The following TM6SF1 variants were observed in gnomAD, a reference collection of about 807,000 sequenced individuals.
The protein encoded by TM6SF1 is transmembrane 6 superfamily member 1.
Under a neutral mutation model 47.1 loss-of-function variants are expected in TM6SF1, and 43 were observed. That is an observed-to-expected ratio of 0.91 (90% CI 0.72 to 1.18). TM6SF1 has a LOEUF of 1.18. Ranked by LOEUF, TM6SF1 falls within the 50% of genes most tolerant of loss-of-function variation. The pLI, the probability that TM6SF1 is intolerant of heterozygous loss-of-function variation, is 0.00. For synonymous variants in TM6SF1, 177 were observed against 166.3 expected, an observed-to-expected ratio of 1.06 and a Z score of -0.49; for missense variants, 390 against 449.0, an observed-to-expected ratio of 0.87 and a Z score of 1.19.
In TM6SF1 at chr15:83,122,013, T is replaced by C. The variant is rs764212098; in HGVS notation, c.481+10T>C. On this transcript the variant is annotated intron_variant, in intron 5 of 9. Coordinates refer to ENST00000322019, the MANE Select transcript of TM6SF1 (RefSeq NM_023003.5). The stretch of plus-strand genomic sequence containing the variant: ...CCAGGAAACATTGTAGGTAAGAAAC[T>C]TTATCTTAAAGTTCACTTTCCTTTT... The C allele has an allele frequency of 6.3e-7, 1 of 1,599,548 alleles. No individual in the cohort carries two copies. The highest frequency in any genetic ancestry group is 1.7e-5 in the Admixed American group (1 of 58,578).
chr15:83,124,837 A>G, intron 7 of TM6SF1, 61 bp downstream of exon 7: 2 of 1,350,186 alleles, frequency 1.5e-6, no homozygotes, highest in Non-Finnish European at 2.1e-6. Context: ...CCAAATGGAA[A>G]AAAACTTAGA....
chr15:83,124,689 A>G lies in TM6SF1; in HGVS notation c.621A>G (p.Gln207=). 9 of 1,614,074 alleles carry G rather than the reference A, an allele frequency of 5.6e-6. No individual in the cohort carries two copies. Among genetic ancestry groups the G allele is most frequent in the Non-Finnish European group, 6.8e-6 (8 of 1,179,992 alleles). Residue 207 remains glutamine, a synonymous_variant, in exon 7 of 10, where the codon CAA becomes CAG. Transcript: ENST00000322019. Reference sequence around the variant, plus strand: ...TATTTTAGGTTATTCAAGAAGCCCAAGCGAAAGACCTGCTGAGAAGACCAT... The same window carrying G: ...TATTTTAGGTTATTCAAGAAGCCCAGGCGAAAGACCTGCTGAGAAGACCAT... ...NYPSKVIQEA[Q]AKDLLRRPFD... is the part of the protein sequence containing the mutation.
At position 83,121,313 on chromosome 15, in the gene TM6SF1, C is replaced by T. The variant is rs535839989; in HGVS notation, c.399-608C>T. On this transcript the variant is annotated intron_variant, in intron 4 of 9. Coordinates refer to ENST00000322019, the MANE Select transcript of TM6SF1 (RefSeq NM_023003.5). ...GCCAGGCTGGTTTCAAACTCCTGAC[C>T]TCAAGTGATCTGCCCACCTCAGCTT... Among the ~76,000 whole-genome samples the T allele has an allele frequency of 4.0e-5, 6 of 151,896 alleles. No homozygotes were observed. The East Asian group carries it at 1.2e-3, about 29-fold the overall frequency.
chr15:83,124,566 G>A, intron 6 of TM6SF1, 106 bp from the exon 7 acceptor site: 1 of 807,504 alleles, frequency 1.2e-6, no homozygotes, highest in Non-Finnish European at 2.1e-6. Flanking sequence ...TATAAATTGT[G>A]CATCTTCAAA....
chr15:83,122,081 G>C, intron 5 of TM6SF1, 78 bp downstream of exon 5: 1 of 1,140,726 alleles, frequency 8.8e-7, no homozygotes, highest in South Asian at 1.3e-5. Flanking sequence ...AGCTCTTTTA[G>C]TTATAATAGA....
rs2151336428 is a variant in TM6SF1, at chr15:83,112,836, C to A, written c.132C>A (p.Phe44Leu). 6.2e-7 allele frequency: 1 copy of A among 1,614,132 alleles called. No individual in the cohort carries two copies. The change falls in exon 2 of 10, where the codon TTC (phenylalanine) becomes TTA (leucine). Residue 44 changes from phenylalanine to leucine, a missense_variant. Physicochemically the swap from Phe to Leu is conservative, Grantham distance 22. Coordinates refer to ENST00000322019, the MANE Select transcript of TM6SF1 (RefSeq NM_023003.5). Reference sequence around the variant, plus strand: ...TAGGGGTTGCTGCCCTCATCCTGTTCCTGGTAGCACTGCTGGCTCGTGTCC... The same window carrying A: ...TAGGGGTTGCTGCCCTCATCCTGTTACTGGTAGCACTGCTGGCTCGTGTCC... ...TIVGVAALIL[F>L]LVALLARVLV...
At chr15:83,128,119 A>C (rs1461940174) in intron 9 of TM6SF1, 1 of 152,300 alleles carries the variant, frequency 6.6e-6, no homozygotes, top group African/African-American at 2.4e-5. Flanking sequence ...AATTTTTCTT[A>C]CTAGAAATAA....
At chr15:83,120,367 C>T (rs1033932039) in intron 4 of TM6SF1, among the ~76,000 whole-genome samples, 7 of 152,176 alleles carry the variant, frequency 4.6e-5, no homozygotes, top group African/African-American at 7.2e-5. Flanking sequence ...TGGTGGCACA[C>T]CCACAGCTTT....
intron 9 of TM6SF1, chr15:83,129,463 T>A (rs183873680): frequency 1.3e-5 from 2 of 152,138 alleles, no homozygotes; most frequent in African/African-American, 4.8e-5. Flanking sequence ...AATGGACACA[T>A]AATAATATCT....
At chr15:83,121,665 T>C (rs2035258182) in intron 4 of TM6SF1, among the ~76,000 whole-genome samples, 2 of 151,950 alleles carry the variant, frequency 1.3e-5, no homozygotes, top group Admixed American at 6.5e-5. Flanking sequence ...GGGATGATCA[T>C]GTTGTAGTTT....
At chr15:83,120,907 A>T (rs2035172425) in intron 4 of TM6SF1, among the ~76,000 whole-genome samples, 1 of 142,810 alleles carries the variant, frequency 7.0e-6, no homozygotes, top group African/African-American at 2.6e-5. Context: ...AATCCCAGTC[A>T]TTATGAATGG....
chr15:83,110,443 T>C (rs1402162877), intron 1 of TM6SF1, among the ~76,000 whole-genome samples: 1 of 152,044 alleles, frequency 6.6e-6, no homozygotes, highest in Non-Finnish European at 1.5e-5. Flanking sequence ...TCAGAGACAA[T>C]CTGCTGCCCT....
chr15:83,134,818 A>C (rs2036502998), intron 9 of TM6SF1: 2 of 152,244 alleles, frequency 1.3e-5, no homozygotes, highest in Admixed American at 6.5e-5. Context: ...TTATATATTC[A>C]GAAAAACACT....
chr15:83,129,517 A>C (rs1183881374), intron 9 of TM6SF1: 1 of 152,210 alleles, frequency 6.6e-6, no homozygotes, highest in African/African-American at 2.4e-5. Context: ...AAAGATGAGG[A>C]GGCTGAGGCT....
At chr15:83,128,451 A>C (rs2035959810) in intron 9 of TM6SF1, 1 of 152,168 alleles carries the variant, frequency 6.6e-6, no homozygotes, top group Non-Finnish European at 1.5e-5. Context: ...ACTAACATTT[A>C]TTGCTCTTTG....
Position 83,136,848 on chromosome 15 carries a change from G to A in TM6SF1, c.*176G>A. ...GTGTAAATTTTTTTTGAAGGAAAATGGAAATTCTTGAGAAACAGTTTGTTT... is the reference window on the plus strand; with the variant it reads ...GTGTAAATTTTTTTTGAAGGAAAATAGAAATTCTTGAGAAACAGTTTGTTT... On this transcript the variant is annotated 3_prime_UTR_variant, in exon 10 of 10. Transcript: ENST00000322019. 1 of 425,536 alleles carries A rather than the reference G, an allele frequency of 2.3e-6. No homozygotes were observed. The highest frequency in any genetic ancestry group is 4.1e-6 in the Non-Finnish European group (1 of 242,552). 26.4% of individuals were successfully genotyped at this position (425,536 alleles called of 1,614,324 possible). A position where few individuals can be genotyped will look rare whatever the true frequency, so the allele number is the denominator to read the frequency against.
intron 9 of TM6SF1, chr15:83,132,697 A>C (rs1173982422): frequency 1.3e-5 from 2 of 152,080 alleles, no homozygotes; most frequent in African/African-American, 4.8e-5. Context: ...CTCAGCCTGG[A>C]AGTAAATTTC....
intron 9 of TM6SF1, 78 bp from the exon 10 acceptor site, chr15:83,136,403 T>C: frequency 7.7e-7 from 1 of 1,290,472 alleles, no homozygotes; most frequent in Non-Finnish European, 1.0e-6. Context: ...GTAGCCTGAA[T>C]GAACCATTCA....
At chr15:83,118,649 TGGCTGATTGATG>T (rs2034923918) in intron 3 of TM6SF1, among the ~76,000 whole-genome samples, 1 of 152,162 alleles carries the variant, frequency 6.6e-6, no homozygotes, top group East Asian at 1.9e-4. Context: ...CCTGCTTGCT[TGGCTGATTGATG>T]GGCTGGTTGA....
Sources: gnomAD v4.1 joint callset for allele counts (sites outside exome capture counted in the v4.1 genomes callset) on GRCh38, gnomAD v4.1.1 for gene constraint, MANE v1.5 for transcripts, NCBI Gene and HGNC (gene_info 2026-07-23, HGNC 2026-07-21) for gene names.